Variants in ATP13A4 observed in about 807,000 individuals in gnomAD.
ATP13A4 encodes the protein probable cation-transporting ATPase 13A4.
ATP13A4 carries 114 observed loss-of-function variants against 142.5 expected under a neutral mutation model. The observed-to-expected ratio is 0.80, with a 90% confidence interval of 0.69 to 0.93. The LOEUF is 0.93. ATP13A4 is among the 40% of genes least tolerant of loss of function. ATP13A4 has a pLI of 0.00. For synonymous variants in ATP13A4, 488 were observed against 514.8 expected (o/e 0.95, Z 0.70); for missense variants, 1,392 against 1,454.0 (o/e 0.96, Z 0.69).
At chr3:193,528,612 G>C (rs1160863291) in intron 1 of ATP13A4, among the ~76,000 whole-genome samples, 1 of 152,184 alleles carries the variant, frequency 6.6e-6, no homozygotes, top group East Asian at 1.9e-4. Flanking sequence ...GCCATACCCA[G>C]CTGATGAAGG....
chr3:193,510,798 T>C (rs548921860), intron 2 of ATP13A4, among the ~76,000 whole-genome samples: 1 of 152,214 alleles, frequency 6.6e-6, no homozygotes, highest in African/African-American at 2.4e-5. Context: ...CAGCGTGAGA[T>C]TGATGATAAA....
At chr3:193,547,566 A>C (rs1723295278) in intron 1 of ATP13A4, among the ~76,000 whole-genome samples, 1 of 152,210 alleles carries the variant, frequency 6.6e-6, no homozygotes, top group African/African-American at 2.4e-5. Flanking sequence ...GGCAAATGAA[A>C]TGTCATCTTT....
intron 8 of ATP13A4, among the ~76,000 whole-genome samples, chr3:193,479,235 T>A (rs1719149262): frequency 6.6e-6 from 1 of 152,018 alleles, no homozygotes; most frequent in African/African-American, 2.4e-5. Flanking sequence ...ATTCACCACT[T>A]CTATTCAACA....
In ATP13A4 at chr3:193,419,636, G is replaced by A. The variant is rs562172321; in HGVS notation, c.2843-4886C>T. Among the ~76,000 whole-genome samples the A allele has an allele frequency of 1.9e-3, 278 of 148,704 alleles. 4 individuals are homozygous for A. The highest frequency in any genetic ancestry group is 3.4e-3 in the Non-Finnish European group (228 of 67,654). ...AGGAATCAATGCTTTGGCCGAGCTC[G>A]CAGTTGTGCATTCCAGGCCTGAGCT... On this transcript the variant is annotated intron_variant, in intron 25 of 29. Transcript: ENST00000342695.
At chr3:193,485,608 T>C (rs1048681058) in intron 7 of ATP13A4, among the ~76,000 whole-genome samples, 4 of 152,174 alleles carry the variant, frequency 2.6e-5, no homozygotes, top group Non-Finnish European at 1.5e-5. Context: ...TAAAATCAAT[T>C]GACATAGAAA....
chr3:193,575,679 A>G (rs1204771152), intron 2 of ATP13A4, among the ~76,000 whole-genome samples: 1 of 152,236 alleles, frequency 6.6e-6, no homozygotes, highest in Non-Finnish European at 1.5e-5. Context: ...TTTCTAATTA[A>G]TTACTACAAT....
intron 2 of ATP13A4, among the ~76,000 whole-genome samples, chr3:193,566,598 A>G (rs1052818184): frequency 3.3e-5 from 5 of 152,198 alleles, no homozygotes; most frequent in African/African-American, 7.2e-5. Context: ...TCATACACAC[A>G]CTATTGGAGC....
At chr3:193,541,190 A>C (rs185677611) in intron 1 of ATP13A4, among the ~76,000 whole-genome samples, 126 of 146,602 alleles carry the variant, frequency 8.6e-4, no homozygotes, top group Middle Eastern at 7.1e-3. Flanking sequence ...CGGAGCTTGC[A>C]GTGAGCCGAG....
At chr3:193,410,207 C>A (rs1420394838) in intron 28 of ATP13A4, among the ~76,000 whole-genome samples, 2 of 151,554 alleles carry the variant, frequency 1.3e-5, no homozygotes, top group East Asian at 3.9e-4. Flanking sequence ...AAATATGGCT[C>A]TTGGAAAGTG....
intron 2 of ATP13A4, among the ~76,000 whole-genome samples, chr3:193,503,251 C>T (rs1307161512): frequency 1.3e-5 from 2 of 152,056 alleles, no homozygotes; most frequent in Non-Finnish European, 2.9e-5. Flanking sequence ...CTGAACCTGC[C>T]CAAGGTAATT....
chr3:193,465,227 G>A (rs769155102), intron 11 of ATP13A4, 99 bp from the exon 12 acceptor site: 42 of 1,292,476 alleles, frequency 3.2e-5, no homozygotes, highest in African/African-American at 2.1e-4. Context: ...TGCTCTTGTC[G>A]CCCAGGCTGG....
chr3:193,478,332 A>G (rs1048045730), intron 8 of ATP13A4, among the ~76,000 whole-genome samples: 1 of 152,026 alleles, frequency 6.6e-6, no homozygotes, highest in African/African-American at 2.4e-5. Flanking sequence ...AAATTAAACA[A>G]AAAGCTGGTT....
At chr3:193,536,908 C>T (rs1048098473) in intron 1 of ATP13A4, among the ~76,000 whole-genome samples, 1 of 151,972 alleles carries the variant, frequency 6.6e-6, no homozygotes, top group Admixed American at 6.6e-5. Context: ...AAAACACCTA[C>T]AGAACTTATA....
intron 14 of ATP13A4, among the ~76,000 whole-genome samples, chr3:193,458,221 C>T (rs972831012): frequency 2.0e-5 from 3 of 152,192 alleles, no homozygotes; most frequent in Non-Finnish European, 4.4e-5. Flanking sequence ...ATATGCAGCT[C>T]AGGAGAAAGG....
At chr3:193,489,492 T>G (rs767825553) in intron 7 of ATP13A4, among the ~76,000 whole-genome samples, 1 of 152,154 alleles carries the variant, frequency 6.6e-6, no homozygotes. Context: ...TCTGGCTAAT[T>G]AGTCTTGAGT....
In ATP13A4 at chr3:193,402,205, A is replaced by G. The variant is rs1714287188; in HGVS notation, c.*447T>C. On this transcript the variant is annotated 3_prime_UTR_variant, in exon 30 of 30. Transcript: ENST00000342695. ...TACAGAGAAAAGGAACCCAGACAGT[A>G]AAGATTGGTGTAATGTTTCCCACGC... is the stretch of plus-strand genomic sequence containing the variant. The G allele has an allele frequency of 6.0e-6, 1 of 167,454 alleles. No individual in the cohort carries two copies. The highest frequency in any genetic ancestry group is 1.3e-5 in the Non-Finnish European group (1 of 76,962). 10.4% of individuals were successfully genotyped at this position (167,454 alleles called of 1,614,324 possible). A position where few individuals can be genotyped will look rare whatever the true frequency, so the allele number is the denominator to read the frequency against.
At chr3:193,414,495 C>T (rs79224527) in intron 26 of ATP13A4, 84 bp downstream of exon 26, 20,418 of 1,511,866 alleles carry the variant, frequency 0.014, 196 homozygotes, top group Middle Eastern at 0.026. Context: ...AGAATGAAGA[C>T]CCATGTGCCT....
At chr3:193,431,603 AT>A (rs1715974931) in intron 25 of ATP13A4, among the ~76,000 whole-genome samples, 4 of 146,986 alleles carry the variant, frequency 2.7e-5, no homozygotes, top group African/African-American at 7.5e-5. Context: ...CTATATATGC[AT>A]GTGTGTGTGT....
At chr3:193,550,314 T>G (rs574304880) in intron 1 of ATP13A4, among the ~76,000 whole-genome samples, 1 of 150,994 alleles carries the variant, frequency 6.6e-6, no homozygotes, top group Non-Finnish European at 1.5e-5. Flanking sequence ...GGTTTTTTTT[T>G]TTTTTTTTTT....
Sources: allele counts gnomAD v4.1 joint callset (sites outside exome capture counted in the v4.1 genomes callset), GRCh38; gene constraint gnomAD v4.1.1; transcripts MANE v1.5; gene names NCBI Gene and HGNC (gene_info 2026-07-23, HGNC 2026-07-21).